The following PCDH15 variants were observed in gnomAD, a reference collection of about 807,000 sequenced individuals.
PCDH15 encodes protocadherin-15.
PCDH15 carries 129 observed loss-of-function variants against 178.5 expected under a neutral mutation model. The ratio of observed to expected loss-of-function variants is 0.72; its 90% CI spans 0.63 to 0.84. The LOEUF (loss-of-function observed/expected upper bound fraction) is 0.84. PCDH15 is among the 40% of genes least tolerant of loss of function. The pLI, the probability that PCDH15 is intolerant of heterozygous loss-of-function variation, is 0.00. For synonymous variants in PCDH15, 800 were observed against 732.0 expected (o/e 1.09, Z -1.50); for missense variants, 2,230 against 2,099.9 (o/e 1.06, Z -1.21).
chr10:54,368,635 T>C (rs951219835), intron 5 of PCDH15, among the ~76,000 whole-genome samples: 1 of 152,090 alleles, frequency 6.6e-6, no homozygotes, highest in African/African-American at 2.4e-5. Context: ...TCAGCATTTT[T>C]CTATAAGAAT....
chr10:54,318,656 T>C (rs1004593641), intron 7 of PCDH15, among the ~76,000 whole-genome samples: 1 of 152,340 alleles, frequency 6.6e-6, no homozygotes, highest in African/African-American at 2.4e-5. Flanking sequence ...TCTCAGACTT[T>C]TGTTTTTGAT....
intron 1 of PCDH15, among the ~76,000 whole-genome samples, chr10:54,790,986 C>T (rs766147559): frequency 7.2e-5 from 11 of 151,876 alleles, no homozygotes; most frequent in Middle Eastern, 3.4e-3. Context: ...TTAAGACCCA[C>T]AAACAAAAAT....
chr10:55,077,789 C>T (rs1332671659), intron 2 of PCDH15, among the ~76,000 whole-genome samples: 1 of 152,154 alleles, frequency 6.6e-6, no homozygotes, highest in African/African-American at 2.4e-5. Flanking sequence ...TCAGGTGATC[C>T]ACCTGGCTTG....
intron 2 of PCDH15, among the ~76,000 whole-genome samples, chr10:54,548,874 G>A (rs1278568642): frequency 6.6e-6 from 1 of 151,118 alleles, no homozygotes; most frequent in Non-Finnish European, 1.5e-5. Context: ...ATTGTGTAGG[G>A]AAAACATAAT....
chr10:54,951,851 G>C (rs952963820), intron 2 of PCDH15, among the ~76,000 whole-genome samples: 1 of 151,642 alleles, frequency 6.6e-6, no homozygotes, highest in African/African-American at 2.4e-5. Flanking sequence ...ATTTTCTTTG[G>C]TAAAGGGTTG....
chr10:54,992,160 T>C (rs1230851303), intron 2 of PCDH15, among the ~76,000 whole-genome samples: 1 of 152,140 alleles, frequency 6.6e-6, no homozygotes, highest in Non-Finnish European at 1.5e-5. Context: ...TATTAAATAT[T>C]TTACCAACCC....
At chr10:54,943,097 A>T (rs1398344901) in intron 2 of PCDH15, among the ~76,000 whole-genome samples, 3 of 151,982 alleles carry the variant, frequency 2.0e-5, no homozygotes, top group Admixed American at 6.6e-5. Flanking sequence ...TTAAAACATC[A>T]TTTATTTATT....
intron 2 of PCDH15, among the ~76,000 whole-genome samples, chr10:55,101,528 G>A (rs1246690571): frequency 1.3e-5 from 2 of 151,858 alleles, no homozygotes; most frequent in South Asian, 4.1e-4. Flanking sequence ...GTACATTCTG[G>A]ATGTGGGAAT....
intron 3 of PCDH15, among the ~76,000 whole-genome samples, chr10:54,428,677 C>T (rs1956591073): frequency 6.6e-6 from 1 of 152,050 alleles, no homozygotes; most frequent in Admixed American, 6.6e-5. Context: ...AAGAAAATAT[C>T]CCAAAAGCAG....
chr10:54,276,352 A>G (rs1355487639), intron 8 of PCDH15, among the ~76,000 whole-genome samples: 2 of 151,816 alleles, frequency 1.3e-5, no homozygotes, highest in Non-Finnish European at 3.0e-5. Flanking sequence ...TTGGTAATTC[A>G]CAAAAGAGAA....
At chr10:54,611,910 A>C (rs2092972370) in intron 2 of PCDH15, among the ~76,000 whole-genome samples, 1 of 151,878 alleles carries the variant, frequency 6.6e-6, no homozygotes, top group African/African-American at 2.4e-5. Context: ...AATGATTAAT[A>C]TCTCCTCTTT....
At chr10:54,752,509 AAAACAAAC>A (rs140808945) in intron 1 of PCDH15, among the ~76,000 whole-genome samples, 2 of 89,234 alleles carry the variant, frequency 2.2e-5, no homozygotes, top group African/African-American at 8.8e-5. Flanking sequence ...CAAAAAACAA[AAAACAAAC>A]AAACAAACAA....
chr10:55,374,404 C>T (rs1357757710), intron 2 of PCDH15, among the ~76,000 whole-genome samples: 1 of 152,068 alleles, frequency 6.6e-6, no homozygotes. Context: ...AAGCTTTGTT[C>T]ATTCCAGTGC....
At chr10:54,470,556 C>G (rs2077841038) in intron 3 of PCDH15, among the ~76,000 whole-genome samples, 1 of 152,100 alleles carries the variant, frequency 6.6e-6, no homozygotes, top group Admixed American at 6.5e-5. Context: ...AACTCCCTTC[C>G]CAGAGCAATG....
At chr10:55,540,009 T>C (rs1294869025) in intron 2 of PCDH15, among the ~76,000 whole-genome samples, 1 of 152,046 alleles carries the variant, frequency 6.6e-6, no homozygotes, top group African/African-American at 2.4e-5. Context: ...ACCTATGTAA[T>C]TGTGGATCAA....
At chr10:54,205,566 A>G (rs1217290438) in intron 10 of PCDH15, among the ~76,000 whole-genome samples, 2 of 149,636 alleles carry the variant, frequency 1.3e-5, no homozygotes, top group African/African-American at 4.9e-5. Flanking sequence ...TCCATGAATC[A>G]ATGAACATAT....
At chr10:54,248,380 T>C (rs1467107488) in intron 8 of PCDH15, among the ~76,000 whole-genome samples, 1 of 152,084 alleles carries the variant, frequency 6.6e-6, no homozygotes, top group African/African-American at 2.4e-5. Flanking sequence ...TATTTAAAGG[T>C]AACTTCAGTG....
chr10:54,327,284 A>G (rs946776031), intron 7 of PCDH15, among the ~76,000 whole-genome samples: 4 of 151,884 alleles, frequency 2.6e-5, no homozygotes, highest in African/African-American at 7.2e-5. Context: ...TAAATAGAAA[A>G]AAGAATTTTC....
chr10:54,134,886 A>C (rs1277785510), intron 14 of PCDH15, among the ~76,000 whole-genome samples: 1 of 152,068 alleles, frequency 6.6e-6, no homozygotes, highest in East Asian at 1.9e-4. Flanking sequence ...CCAATAGAAT[A>C]GTAAGCATAA....
Sources: allele counts gnomAD v4.1 joint callset (sites outside exome capture counted in the v4.1 genomes callset), GRCh38; gene constraint gnomAD v4.1.1; transcripts MANE v1.5; gene names NCBI Gene and HGNC (gene_info 2026-07-23, HGNC 2026-07-21).